The following ATRNL1 variants were observed in gnomAD, a reference collection of about 807,000 sequenced individuals.
ATRNL1 encodes the protein attractin like 1, also known as attractin-like protein 1.
Under a neutral mutation model 182.7 loss-of-function variants are expected in ATRNL1, and 95 were observed. The observed-to-expected ratio is 0.52, with a 90% CI of 0.44 to 0.62. ATRNL1 has a LOEUF of 0.62. ATRNL1 is among the 20% of genes least tolerant of loss of function. The probability of loss-of-function intolerance (pLI) is 0.00; values close to 1 mark genes in which losing one functional copy is unlikely to be tolerated. For missense variants in ATRNL1, 1,471 were observed against 1,679.5 expected (o/e 0.88, Z 2.17); for synonymous variants, 576 against 568.3 (o/e 1.01, Z -0.19).
At chr10:115,700,226 A>G (rs1946689439) in intron 26 of ATRNL1, among the ~76,000 whole-genome samples, 1 of 151,838 alleles carries the variant, frequency 6.6e-6, no homozygotes, top group Admixed American at 6.6e-5. Context: ...GCTGGGTCAA[A>G]TTGTAGTTCT....
intron 28 of ATRNL1, among the ~76,000 whole-genome samples, chr10:115,897,776 G>C (rs937021549): frequency 1.3e-4 from 20 of 152,102 alleles, no homozygotes; most frequent in African/African-American, 4.1e-4. Context: ...AACACAGTGC[G>C]GATCATAACC....
intron 27 of ATRNL1, among the ~76,000 whole-genome samples, chr10:115,831,412 A>T (rs77901212): frequency 0.016 from 2,499 of 152,224 alleles, 85 homozygotes; most frequent in African/African-American, 0.058. Context: ...TTTATTTGTC[A>T]TAGTTCCTTA....
chr10:115,671,982 A>T (rs1251995364), intron 26 of ATRNL1, among the ~76,000 whole-genome samples: 2 of 152,148 alleles, frequency 1.3e-5, no homozygotes, highest in East Asian at 3.9e-4. Context: ...ATACAGGGAC[A>T]CTGCCACTAG....
intron 24 of ATRNL1, among the ~76,000 whole-genome samples, chr10:115,500,369 C>T (rs1554979794): frequency 1.3e-5 from 2 of 152,030 alleles, no homozygotes; most frequent in African/African-American, 4.8e-5. Context: ...TTGGTCCAAA[C>T]CTTAGAAAAT....
At chr10:115,580,734 A>T (rs1246769420) in intron 26 of ATRNL1, among the ~76,000 whole-genome samples, 2 of 150,920 alleles carry the variant, frequency 1.3e-5, no homozygotes, top group Non-Finnish European at 3.0e-5. Context: ...TGTAATTGTT[A>T]CCCATAAGTC....
rs782636812 is a variant in ATRNL1, at chr10:115,727,258, G to A, written c.3806G>A (p.Arg1269Gln). ...WASRRREQLL[R>Q]ERQQMASRPF... ...TTTAACCCCCTCCAGCAACTGCTTC[G>A]AGAACGACAGCAGATGGCCAGCCGT... The change falls in exon 27 of 29, where the codon CGA becomes CAA. Residue 1269 changes from arginine to glutamine, a missense_variant. This residue lies in a region of ATRNL1 where 437 missense variants were observed against 506.0 expected (regional missense o/e 0.86). Coordinates refer to ENST00000355044, the MANE Select transcript of ATRNL1 (RefSeq NM_207303.4). 6.8e-6 allele frequency: 11 copies of A among 1,613,664 alleles called. No individual in the cohort carries two copies. The East Asian group carries it at 1.1e-4, about 16-fold the overall frequency.
intron 26 of ATRNL1, among the ~76,000 whole-genome samples, chr10:115,596,158 C>T (rs1347792387): frequency 2.0e-5 from 3 of 152,008 alleles, no homozygotes; most frequent in South Asian, 2.1e-4. Context: ...CAAGCAGCAG[C>T]GCAATGACAT....
At chr10:115,675,100 A>G (rs12257254) in intron 26 of ATRNL1, among the ~76,000 whole-genome samples, 1,825 of 152,238 alleles carry the variant, frequency 0.012, 34 homozygotes, top group African/African-American at 0.041. Flanking sequence ...TCTCATGTTT[A>G]GCTGCACATG....
At chr10:115,443,878 ATT>A (rs1399936568) in intron 21 of ATRNL1, among the ~76,000 whole-genome samples, 1 of 152,140 alleles carries the variant, frequency 6.6e-6, no homozygotes, top group African/African-American at 2.4e-5. Flanking sequence ...AAGCTTCTGA[ATT>A]CTCTATGCCT....
intron 19 of ATRNL1, among the ~76,000 whole-genome samples, chr10:115,353,449 T>C (rs1423714182): frequency 6.6e-6 from 1 of 152,176 alleles, no homozygotes; most frequent in African/African-American, 2.4e-5. Flanking sequence ...TTTTAGTGTA[T>C]GTTGTTTTTA....
At chr10:115,548,220 C>A (rs1309314914) in intron 25 of ATRNL1, among the ~76,000 whole-genome samples, 2 of 152,180 alleles carry the variant, frequency 1.3e-5, no homozygotes, top group Non-Finnish European at 2.9e-5. Context: ...TAAATCCAAT[C>A]ATCGATGTGA....
intron 26 of ATRNL1, among the ~76,000 whole-genome samples, chr10:115,589,696 C>G (rs1206621982): frequency 6.6e-6 from 1 of 152,122 alleles, no homozygotes; most frequent in Non-Finnish European, 1.5e-5. Context: ...TTTAGCAAAT[C>G]TCATTAATTT....
intron 28 of ATRNL1, among the ~76,000 whole-genome samples, chr10:115,879,445 G>C (rs1343189503): frequency 2.6e-5 from 4 of 152,174 alleles, no homozygotes; most frequent in African/African-American, 9.7e-5. Flanking sequence ...AATGCTCAAA[G>C]CATGATGCTA....
At chr10:115,300,980 T>C (rs1853440657) in intron 16 of ATRNL1, among the ~76,000 whole-genome samples, 1 of 152,184 alleles carries the variant, frequency 6.6e-6, no homozygotes, top group African/African-American at 2.4e-5. Context: ...CCTCATATGG[T>C]GAAATCATAC....
At position 115,727,905 on chromosome 10, in the gene ATRNL1, C is replaced by A. The variant is rs573041485; in HGVS notation, c.3903+550C>A. 4.5e-4 allele frequency among the ~76,000 whole-genome samples: 68 copies of A among 152,022 alleles called. 2 individuals carry two copies. The South Asian group carries it at 0.014, about 31-fold the overall frequency. On this transcript the variant is annotated intron_variant, in intron 27 of 28. Transcript: ENST00000355044. ...AAATAGAGTATGATGAAACAGAAAT[C>A]ATTATATGCAACTAAATATGGTATT...
chr10:115,257,296 A>G (rs985911543), intron 10 of ATRNL1, among the ~76,000 whole-genome samples: 19 of 152,146 alleles, frequency 1.2e-4, no homozygotes, highest in African/African-American at 4.3e-4. Flanking sequence ...GGCTTGCTTT[A>G]TCAGTCTGGG....
In ATRNL1 at chr10:115,517,043, C is replaced by T. The variant is rs964207913; in HGVS notation, c.3655-2220C>T. 4.6e-5 allele frequency among the ~76,000 whole-genome samples: 7 copies of T among 152,006 alleles called. No homozygotes were observed. The South Asian group carries it at 1.2e-3, about 27-fold the overall frequency. ...TTTGTCTTATTACAATGGTGTAGAA[C>T]AGAGCTTGTTTAGTGACTATTTCTT... On this transcript the variant is annotated intron_variant, in intron 24 of 28. Transcript: ENST00000355044.
chr10:115,231,154 G>C (rs1554899931), intron 9 of ATRNL1, among the ~76,000 whole-genome samples: 1 of 152,104 alleles, frequency 6.6e-6, no homozygotes, highest in Non-Finnish European at 1.5e-5. Flanking sequence ...TAATTTTCTG[G>C]TCAAAGAGAT....
chr10:115,880,165 A>G (rs1951794553), intron 28 of ATRNL1, among the ~76,000 whole-genome samples: 1 of 152,242 alleles, frequency 6.6e-6, no homozygotes, highest in African/African-American at 2.4e-5. Context: ...AGTGGCTGTC[A>G]GCCAAGGAGA....
Sources: gnomAD v4.1 joint callset for allele counts (sites outside exome capture counted in the v4.1 genomes callset) on GRCh38, gnomAD v4.1.1 for gene constraint, gnomAD v4.1.1 regional missense constraint, MANE v1.5 for transcripts, NCBI Gene and HGNC (gene_info 2026-07-23, HGNC 2026-07-21) for gene names.